The following PHIP variants were observed in gnomAD, a reference collection of about 807,000 sequenced individuals.
PHIP encodes PH-interacting protein.
Under a neutral mutation model 236.8 loss-of-function variants are expected in PHIP, and 54 were observed. That is an observed-to-expected ratio of 0.23 (90% CI 0.18 to 0.29). The LOEUF is 0.29. Ranked by LOEUF, PHIP falls within the 10% of genes least tolerant of loss-of-function variation. The pLI, the probability that PHIP is intolerant of heterozygous loss-of-function variation, is 1.00. For missense variants in PHIP, 1,370 were observed against 2,190.8 expected (o/e 0.63, Z 7.48); for synonymous variants, 756 against 718.9 (o/e 1.05, Z -0.83).
chr6:78,943,979 C>A (rs1773653002), intron 39 of PHIP, among the ~76,000 whole-genome samples: 1 of 85,006 alleles, frequency 1.2e-5, no homozygotes. Context: ...GAGCAAGATC[C>A]TGTCTTTTTT....
At chr6:78,998,624 T>C (rs1361579294) in intron 17 of PHIP, among the ~76,000 whole-genome samples, 1 of 152,164 alleles carries the variant, frequency 6.6e-6, no homozygotes, top group Non-Finnish European at 1.5e-5. Context: ...TAAGTGTTTA[T>C]CATGACTCAG....
intron 24 of PHIP, 148 bp downstream of exon 24, chr6:78,978,444 T>C (rs1768270828): frequency 2.2e-6 from 1 of 460,294 alleles, no homozygotes. Flanking sequence ...TCACTCCTAA[T>C]TGTACTTTCT....
At position 78,998,375 on chromosome 6, in the gene PHIP, T is replaced by C; in HGVS notation, c.1896A>G (p.Leu632=). 6.2e-7 allele frequency: 1 copy of C among 1,613,666 alleles called. No individual in the cohort carries two copies. The highest frequency in any genetic ancestry group is 8.5e-7 in the Non-Finnish European group (1 of 1,179,684). The change falls in exon 18 of 40, where the codon TTA becomes TTG. Residue 632 remains leucine (L), a synonymous_variant. Transcript: ENST00000275034. ...TGATCTCCTGGTTTGCTTGCTGACT[T>C]AAAACTTGATTCAGTCCTATACAAT... ...GVTSSGLNQV[L]SQQANQEISP...
chr6:78,975,004 T>TC (rs1403241345), intron 24 of PHIP, among the ~76,000 whole-genome samples: 1 of 150,898 alleles, frequency 6.6e-6, no homozygotes, highest in African/African-American at 2.4e-5. Flanking sequence ...AAAGAGGGAA[T>TC]CCCCCCTAAC....
chr6:79,025,001 T>C (rs886717737), intron 9 of PHIP, among the ~76,000 whole-genome samples: 3 of 152,098 alleles, frequency 2.0e-5, no homozygotes, highest in Non-Finnish European at 4.4e-5. Context: ...AGTATTAATA[T>C]GGGCGACCGC....
In PHIP at chr6:79,017,580, C is replaced by A; in HGVS notation, c.998G>T (p.Gly333Val). 6.2e-7 allele frequency: 1 copy of A among 1,607,054 alleles called. No homozygotes were observed. The highest frequency in any genetic ancestry group is 1.1e-5 in the South Asian group (1 of 90,768). The change falls in exon 11 of 40, where the codon GGA becomes GTA. Residue 333 changes from glycine (G) to valine (V), a missense_variant. Coordinates refer to ENST00000275034, the MANE Select transcript of PHIP (RefSeq NM_017934.7). ...QMICSSFSAGGMFLATGSTDH... is the reference protein window; with the variant it reads ...QMICSSFSAGVMFLATGSTDH... ...TGTGCTTCCCGTCGCCAGAAACATT[C>A]CACCTATGAAGAATAACAGCAATTG... is the stretch of plus-strand genomic sequence containing the variant.
rs946348595 is a variant in PHIP at position 78,937,529 on chromosome 6, T to C, written c.*3164A>G. On this transcript the variant is annotated 3_prime_UTR_variant, in exon 40 of 40. Coordinates refer to ENST00000275034, the MANE Select transcript of PHIP (RefSeq NM_017934.7). ...TTCATTTCCAAGTGATAACTAAATT[T>C]AGTCAATCCCAAGTCTCAGATGTTA... is the stretch of plus-strand genomic sequence containing the variant. The C allele has an allele frequency of 2.6e-5, 4 of 151,718 alleles. No homozygotes were observed. Among genetic ancestry groups the C allele is most frequent in the African/African-American group, 9.7e-5 (4 of 41,434 alleles). The allele number at this position is 151,718 out of a possible 1,614,324, so 9.4% of individuals were successfully genotyped here.
chr6:78,982,547 A>G (rs1768605489), intron 23 of PHIP, among the ~76,000 whole-genome samples: 1 of 152,076 alleles, frequency 6.6e-6, no homozygotes, highest in Non-Finnish European at 1.5e-5. Flanking sequence ...CATAAAGGCA[A>G]TTCATAGATT....
chr6:78,966,126 T>A, intron 27 of PHIP, 70 bp from the exon 28 acceptor site: 1 of 968,044 alleles, frequency 1.0e-6, no homozygotes, highest in Non-Finnish European at 1.7e-6. Flanking sequence ...TTCCTAACGT[T>A]AACCTTTAAG....
At chr6:79,060,430 G>A in intron 6 of PHIP, 48 bp downstream of exon 6, 1 of 1,281,536 alleles carries the variant, frequency 7.8e-7, no homozygotes, top group Non-Finnish European at 1.1e-6. Flanking sequence ...ATTTTCAAAA[G>A]CTCTTTACCA....
In PHIP at chr6:79,042,900, T is replaced by G; in HGVS notation, c.543A>C (p.Gly181=). The change falls in exon 7 of 40, where the codon GGA becomes GGC. Residue 181 remains glycine, a synonymous_variant. Transcript: ENST00000275034. ...QHMKMHKRIL[G]HLSSVYCVTF... is the part of the protein sequence containing the mutation. ...TTACACAGTACACAGATGACAAGTG[T>G]CCAAGAATTCGTTTATGCATTTTCA... The G allele has an allele frequency of 6.2e-7, 1 of 1,612,840 alleles. No individual in the cohort carries two copies. The highest frequency in any genetic ancestry group is 8.5e-7 in the Non-Finnish European group (1 of 1,179,118).
At chr6:79,019,202 C>T (rs1435262976) in intron 9 of PHIP, 43 bp from the exon 10 acceptor site, 2 of 1,328,328 alleles carry the variant, frequency 1.5e-6, no homozygotes, top group East Asian at 4.6e-5. Context: ...CCTAAAGGAA[C>T]CAGTAGCAGC....
chr6:79,077,023 T>C (rs1021438135), intron 4 of PHIP, among the ~76,000 whole-genome samples: 1 of 152,180 alleles, frequency 6.6e-6, no homozygotes. Context: ...AGCTATTGTG[T>C]AGGGCAGGAG....
chr6:78,966,841 C>T (rs966927273), intron 27 of PHIP, among the ~76,000 whole-genome samples: 2 of 152,298 alleles, frequency 1.3e-5, no homozygotes, highest in Non-Finnish European at 1.5e-5. Flanking sequence ...TGAGTTTTCT[C>T]GTGGCTAGCA....
chr6:79,003,614 C>A, intron 16 of PHIP, 116 bp downstream of exon 16: 1 of 678,430 alleles, frequency 1.5e-6, no homozygotes. Flanking sequence ...ACACAAGATT[C>A]TTCGAATTTT....
chr6:79,037,351 A>G (rs1485960552), intron 7 of PHIP, among the ~76,000 whole-genome samples: 1 of 152,188 alleles, frequency 6.6e-6, no homozygotes, highest in African/African-American at 2.4e-5. Context: ...CAGTAATCCC[A>G]CAAACAAGAA....
At chr6:78,967,126 T>G (rs1767195187) in intron 27 of PHIP, among the ~76,000 whole-genome samples, 1 of 152,152 alleles carries the variant, frequency 6.6e-6, no homozygotes, top group South Asian at 2.1e-4. Flanking sequence ...CAAAAAGGAT[T>G]TAAAAGTTTA....
intron 39 of PHIP, among the ~76,000 whole-genome samples, chr6:78,944,084 G>C (rs75459183): frequency 6.6e-6 from 1 of 150,652 alleles, no homozygotes; most frequent in South Asian, 2.1e-4. Context: ...TAAGTGAGAC[G>C]TGAAAGGCAA....
chr6:79,034,857 G>A (rs766525609), intron 7 of PHIP, among the ~76,000 whole-genome samples: 7 of 152,168 alleles, frequency 4.6e-5, no homozygotes, highest in Admixed American at 2.6e-4. Flanking sequence ...AAGAGTTAAA[G>A]AAATCAACGA....
Sources: allele counts gnomAD v4.1 joint callset (sites outside exome capture counted in the v4.1 genomes callset), GRCh38; gene constraint gnomAD v4.1.1; transcripts MANE v1.5; gene names NCBI Gene and HGNC (gene_info 2026-07-23, HGNC 2026-07-21).